Variants in RAD51B observed in about 807,000 individuals in gnomAD.
RAD51B encodes the protein DNA repair protein RAD51 homolog 2.
Under a neutral mutation model 42.2 loss-of-function variants are expected in RAD51B, and 38 were observed. That is an observed-to-expected ratio of 0.90 (90% CI 0.70 to 1.18). The LOEUF (loss-of-function observed/expected upper bound fraction) is 1.18, where lower values mean the gene tolerates loss of function less well. Among genes scored for constraint, RAD51B ranks in the 50% most tolerant of loss-of-function variants. The pLI is 0.00. For missense variants in RAD51B, 373 were observed against 400.7 expected (o/e 0.93, Z 0.59); for synonymous variants, 154 against 145.2 (o/e 1.06, Z -0.43).
intron 10 of RAD51B, among the ~76,000 whole-genome samples, chr14:68,623,021 G>T (rs1891989754): frequency 4.6e-5 from 7 of 152,200 alleles, no homozygotes; most frequent in Admixed American, 4.6e-4. Flanking sequence ...CCTGTGCCCA[G>T]ATGTCCTAAC....
At chr14:68,171,184 G>A (rs566361303) in intron 7 of RAD51B, among the ~76,000 whole-genome samples, 1 of 152,226 alleles carries the variant, frequency 6.6e-6, no homozygotes, top group East Asian at 1.9e-4. Flanking sequence ...TGTCATCATT[G>A]TCTCATATTT....
chr14:68,518,353 G>T (rs765364958), intron 10 of RAD51B, among the ~76,000 whole-genome samples: 1 of 152,220 alleles, frequency 6.6e-6, no homozygotes, highest in Non-Finnish European at 1.5e-5. Context: ...TTGCGTAGCT[G>T]TTCTGCCTGT....
At chr14:68,336,107 G>A (rs763399443) in intron 8 of RAD51B, among the ~76,000 whole-genome samples, 5 of 152,154 alleles carry the variant, frequency 3.3e-5, no homozygotes, top group Middle Eastern at 3.4e-3. Flanking sequence ...GAGGTTATTC[G>A]GAGAGTTAAA....
At chr14:68,312,744 G>C (rs369289764) in intron 8 of RAD51B, among the ~76,000 whole-genome samples, 1 of 152,104 alleles carries the variant, frequency 6.6e-6, no homozygotes, top group Admixed American at 6.5e-5. Context: ...GTTTGTTATA[G>C]CCTTTCTATT....
chr14:67,987,596 T>TC (rs1254610541), intron 7 of RAD51B, among the ~76,000 whole-genome samples: 20 of 151,792 alleles, frequency 1.3e-4, no homozygotes, highest in African/African-American at 4.9e-4. Context: ...ATCTTTTTTT[T>TC]TCCTATTTTA....
intron 11 of RAD51B, among the ~76,000 whole-genome samples, chr14:68,666,701 T>C (rs1893039068): frequency 6.6e-6 from 1 of 152,264 alleles, no homozygotes; most frequent in Non-Finnish European, 1.5e-5. Context: ...GAAACTCCCT[T>C]ATTTATATCA....
intron 8 of RAD51B, among the ~76,000 whole-genome samples, chr14:68,306,176 A>T (rs1033840868): frequency 7.9e-5 from 12 of 152,344 alleles, no homozygotes; most frequent in African/African-American, 2.4e-4. Flanking sequence ...CCAAAGCTTT[A>T]CTGTCTATGG....
chr14:67,944,598 T>C (rs73282439), intron 7 of RAD51B, among the ~76,000 whole-genome samples: 4,381 of 152,282 alleles, frequency 0.029, 210 homozygotes, highest in African/African-American at 0.1. Context: ...CGTAGTGTGT[T>C]TATGTACTTG....
At chr14:68,539,574 C>T (rs576117063) in intron 10 of RAD51B, among the ~76,000 whole-genome samples, 1 of 152,214 alleles carries the variant, frequency 6.6e-6, no homozygotes, top group African/African-American at 2.4e-5. Context: ...TCGGTTGCAA[C>T]TGTCAAGCAA....
intron 7 of RAD51B, among the ~76,000 whole-genome samples, chr14:68,219,106 G>A (rs1035065918): frequency 5.9e-5 from 9 of 152,152 alleles, no homozygotes; most frequent in Non-Finnish European, 1.0e-4. Flanking sequence ...TAAAACTCCC[G>A]GCAGAGCAGC....
chr14:68,167,791 G>T (rs1378931983), intron 7 of RAD51B, among the ~76,000 whole-genome samples: 2 of 152,042 alleles, frequency 1.3e-5, no homozygotes, highest in African/African-American at 4.8e-5. Context: ...TTAGAGTTCT[G>T]ATATTCTACT....
chr14:68,675,763 G>A (rs1029159679), intron 11 of RAD51B, among the ~76,000 whole-genome samples: 39 of 152,256 alleles, frequency 2.6e-4, no homozygotes, highest in Admixed American at 1.9e-3. Flanking sequence ...TCAGAGCTCC[G>A]AGAGGGTTAG....
At chr14:68,673,052 C>G (rs1254196389) in intron 11 of RAD51B, among the ~76,000 whole-genome samples, 1 of 152,212 alleles carries the variant, frequency 6.6e-6, no homozygotes, top group Non-Finnish European at 1.5e-5. Context: ...GTTTCATGCA[C>G]TAGCCAGAAT....
At chr14:68,661,355 C>G (rs1000097782) in intron 11 of RAD51B, among the ~76,000 whole-genome samples, 2 of 152,198 alleles carry the variant, frequency 1.3e-5, no homozygotes, top group African/African-American at 4.8e-5. Context: ...ATGTCTGTTG[C>G]TGTTGCTGCA....
chr14:68,677,715 A>C (rs1893340553), intron 11 of RAD51B, among the ~76,000 whole-genome samples: 1 of 152,220 alleles, frequency 6.6e-6, no homozygotes, highest in African/African-American at 2.4e-5. Context: ...CCATCCGTGT[A>C]GTAAGGCATT....
intron 10 of RAD51B, among the ~76,000 whole-genome samples, chr14:68,525,918 A>G (rs1354835662): frequency 1.3e-5 from 2 of 152,162 alleles, no homozygotes; most frequent in African/African-American, 2.4e-5. Context: ...GTGATTTACA[A>G]TTTTCTTCTG....
intron 7 of RAD51B, among the ~76,000 whole-genome samples, chr14:68,027,320 C>T (rs1348960425): frequency 1.3e-5 from 2 of 151,918 alleles, no homozygotes; most frequent in African/African-American, 4.8e-5. Flanking sequence ...CTGTGTGCCT[C>T]GGGGATGGTA....
chr14:68,314,171 A>G (rs2082013658), intron 8 of RAD51B, among the ~76,000 whole-genome samples: 1 of 152,202 alleles, frequency 6.6e-6, no homozygotes, highest in African/African-American at 2.4e-5. Context: ...GAGTGCTGAT[A>G]GCAAGTTCGC....
intron 10 of RAD51B, among the ~76,000 whole-genome samples, chr14:68,637,070 C>T (rs1892355334): frequency 6.6e-6 from 1 of 152,078 alleles, no homozygotes; most frequent in South Asian, 2.1e-4. Context: ...AGAAAGAGTG[C>T]CCGTCACTCT....
Sources: gnomAD v4.1 joint callset for allele counts (sites outside exome capture counted in the v4.1 genomes callset) on GRCh38, gnomAD v4.1.1 for gene constraint, MANE v1.5 for transcripts, NCBI Gene and HGNC (gene_info 2026-07-23, HGNC 2026-07-21) for gene names.